TENM3: variants seen among roughly 807,000 people sequenced by gnomAD.
The protein encoded by TENM3 is teneurin transmembrane protein 3.
Under a neutral mutation model 255.1 loss-of-function variants are expected in TENM3, and 63 were observed. The ratio of observed to expected loss-of-function variants is 0.25; its 90% CI spans 0.20 to 0.30. The LOEUF is 0.30. Ranked by LOEUF, TENM3 falls within the 10% of genes least tolerant of loss-of-function variation. TENM3 has a pLI of 1.00. For missense variants in TENM3, 2,929 were observed against 3,461.1 expected (o/e 0.85, Z 3.86); for synonymous variants, 1,306 against 1,322.3 (o/e 0.99, Z 0.27).
intron 1 of TENM3, among the ~76,000 whole-genome samples, chr4:182,231,491 T>C (rs1756578184): frequency 6.6e-6 from 1 of 152,140 alleles, no homozygotes; most frequent in Admixed American, 6.5e-5. Context: ...TACACTAAAC[T>C]CTCTGCCTCC....
At chr4:182,746,242 G>A (rs1197319181) in intron 19 of TENM3, among the ~76,000 whole-genome samples, 1 of 152,166 alleles carries the variant, frequency 6.6e-6, no homozygotes, top group African/African-American at 2.4e-5. Context: ...TCAAATGTGA[G>A]AATAGTTCTG....
At chr4:182,153,971 A>G (rs2149590590) in intron 1 of TENM3, among the ~76,000 whole-genome samples, 1 of 152,238 alleles carries the variant, frequency 6.6e-6, no homozygotes, top group African/African-American at 2.4e-5. Context: ...ATACTCTTGG[A>G]AAAATGTTAC....
At chr4:182,564,004 C>T (rs933885931) in intron 3 of TENM3, among the ~76,000 whole-genome samples, 1 of 152,128 alleles carries the variant, frequency 6.6e-6, no homozygotes, top group African/African-American at 2.4e-5. Context: ...CCAGTATGTT[C>T]TTCACCTCAC....
the TENM3 span, among the ~76,000 whole-genome samples, chr4:181,707,719 A>G: frequency 1.3e-5 from 2 of 152,198 alleles, no homozygotes; most frequent in Admixed American, 6.5e-5. Context: ...CTAGCATTCA[A>G]TAATTATAGA....
At chr4:182,653,231 A>G (rs1209464589) in intron 5 of TENM3, among the ~76,000 whole-genome samples, 2 of 152,218 alleles carry the variant, frequency 1.3e-5, no homozygotes, top group Admixed American at 6.5e-5. Context: ...CAATTCAAAA[A>G]TTACTCATCC....
rs1188843205 is a variant in TENM3 at position 182,796,555 on chromosome 4, T to C, written c.7214-82T>C. The C allele has an allele frequency of 2.3e-6, 3 of 1,299,298 alleles. No homozygotes were observed. The Admixed American group carries it at 9.1e-5, about 39-fold the overall frequency. 80.5% of individuals were successfully genotyped at this position (1,299,298 alleles called of 1,614,324 possible). On this transcript the variant is annotated intron_variant, in intron 26 of 27. Coordinates refer to ENST00000511685, the MANE Select transcript of TENM3 (RefSeq NM_001080477.4). The stretch of plus-strand genomic sequence containing the variant: ...CAGATTATTAATTGTGAAATTGGAT[T>C]TTCTTTTTAAGGTAAGAATTTAAAT...
chr4:181,641,423 A>T, the TENM3 span, among the ~76,000 whole-genome samples: 29 of 150,836 alleles, frequency 1.9e-4, no homozygotes, highest in Non-Finnish European at 3.5e-4. Context: ...TATGAGTGAG[A>T]ACATGCGGTG....
intron 2 of TENM3, among the ~76,000 whole-genome samples, chr4:182,326,972 G>C (rs1237537028): frequency 7.9e-5 from 12 of 152,194 alleles, no homozygotes; most frequent in Non-Finnish European, 1.5e-4. Flanking sequence ...TGTGAGGGTG[G>C]CGTTGCGGAT....
chr4:182,637,421 T>C (rs11735050), intron 5 of TENM3, among the ~76,000 whole-genome samples: 42,431 of 152,096 alleles, frequency 0.28, 7,059 homozygotes, highest in Non-Finnish European at 0.39. Flanking sequence ...TCTGGGAGGC[T>C]GAGGCAGAAG....
chr4:181,492,017 G>A, the TENM3 span, among the ~76,000 whole-genome samples: 213 of 152,216 alleles, frequency 1.4e-3, no homozygotes, highest in Middle Eastern at 3.4e-3. Flanking sequence ...AACTTAAGCC[G>A]CCGTTTCTTC....
At position 182,800,230 on chromosome 4, in the gene TENM3, G is replaced by C. The variant is rs1211689070; in HGVS notation, c.7979G>C (p.Ser2660Thr). The C allele has an allele frequency of 3.1e-6, 5 of 1,593,040 alleles. No individual in the cohort carries two copies. The highest frequency in any genetic ancestry group is 4.2e-6 in the Non-Finnish European group (5 of 1,177,840). ...GAGGGCGAGAAGCGGCAGCTGCTGA[G>C]CGCCGGCAAGGTGCAGGGCTACGAC... ...WTEGEKRQLL[S>T]AGKVQGYDGY... Residue 2660 changes from serine (S) to threonine (T), a missense_variant, in exon 28 of 28, where the codon AGC becomes ACC. Around this residue, in one of 6 missense-constraint regions of TENM3, gnomAD observed 476 missense variants for 480.1 expected, o/e 0.99. Coordinates refer to ENST00000511685, the MANE Select transcript of TENM3 (RefSeq NM_001080477.4).
chr4:182,648,199 G>A (rs536559325), intron 5 of TENM3, among the ~76,000 whole-genome samples: 1 of 152,108 alleles, frequency 6.6e-6, no homozygotes, highest in African/African-American at 2.4e-5. Flanking sequence ...CCTTATGGAG[G>A]AAACCACTTT....
chr4:181,619,213 C>T, the TENM3 span, among the ~76,000 whole-genome samples: 2 of 152,064 alleles, frequency 1.3e-5, no homozygotes, highest in African/African-American at 4.8e-5. Flanking sequence ...TTGCTGGGGA[C>T]CACAAAGTGC....
upstream of TENM3, among the ~76,000 whole-genome samples, chr4:182,240,650 C>T (rs76111189): frequency 6.6e-5 from 10 of 152,138 alleles, no homozygotes; most frequent in South Asian, 2.1e-4. Context: ...ATTCTCCCTG[C>T]GAGTCCCGGC....
chr4:182,246,542 A>G lies in TENM3; in HGVS notation c.-76+3066A>G, dbSNP rs1369662730. Among the ~76,000 whole-genome samples the G allele has an allele frequency of 2.6e-5, 4 of 152,124 alleles. No individual in the cohort carries two copies. The East Asian group carries it at 7.7e-4, about 29-fold the overall frequency. ...AAATAGAGCCGGAGTAGTAGTTTGA[A>G]TCCAGCAAACCAGCCCTCCTTCTAA... On this transcript the variant is annotated intron_variant, in intron 1 of 27. Transcript: ENST00000511685.
chr4:182,260,307 A>C (rs1453235811), intron 1 of TENM3, among the ~76,000 whole-genome samples: 1 of 151,748 alleles, frequency 6.6e-6, no homozygotes, highest in South Asian at 2.1e-4. Flanking sequence ...CTTTTGAGGA[A>C]CCTCCATATA....
chr4:181,745,404 C>A, the TENM3 span, among the ~76,000 whole-genome samples: 19 of 152,130 alleles, frequency 1.2e-4, no homozygotes, highest in African/African-American at 4.1e-4. Context: ...TAGCTGTAGA[C>A]GGAAGAAGGG....
intron 1 of TENM3, among the ~76,000 whole-genome samples, chr4:182,238,389 C>G (rs926140786): frequency 2.6e-5 from 4 of 152,208 alleles, no homozygotes; most frequent in African/African-American, 9.6e-5. Context: ...TCCCCCATGG[C>G]TGATTCCTTA....
chr4:182,053,117 C>T, the TENM3 span, among the ~76,000 whole-genome samples: 1 of 152,060 alleles, frequency 6.6e-6, no homozygotes, highest in Non-Finnish European at 1.5e-5. Flanking sequence ...CCTCTCCTGG[C>T]TTTTTAGCAG....
Sources: allele counts gnomAD v4.1 joint callset (sites outside exome capture counted in the v4.1 genomes callset), GRCh38; gene constraint gnomAD v4.1.1; regional missense constraint gnomAD v4.1.1; transcripts MANE v1.5; gene names NCBI Gene and HGNC (gene_info 2026-07-23, HGNC 2026-07-21).